PDE10A: variants seen among roughly 807,000 people sequenced by gnomAD.
PDE10A encodes phosphodiesterase 10A, also known as cAMP and cAMP-inhibited cGMP 3',5'-cyclic phosphodiesterase 10A.
PDE10A carries 39 observed loss-of-function variants against 97.7 expected under a neutral mutation model. The ratio of observed to expected loss-of-function variants is 0.40; its 90% CI spans 0.31 to 0.52. PDE10A has a LOEUF of 0.52. PDE10A is among the 20% of genes least tolerant of loss of function. PDE10A has a pLI of 0.56. For missense variants in PDE10A, 731 were observed against 1,047.8 expected (o/e 0.70, Z 4.17); for synonymous variants, 371 against 376.8 (o/e 0.98, Z 0.18).
At chr6:165,796,277 G>A (rs1778830200) in intron 1 of PDE10A, among the ~76,000 whole-genome samples, 1 of 151,782 alleles carries the variant, frequency 6.6e-6, no homozygotes, top group Admixed American at 6.6e-5. Flanking sequence ...TTGTAGAGAT[G>A]GGGTTTCACC....
At chr6:165,920,593 A>G (rs1782727840) in intron 1 of PDE10A, among the ~76,000 whole-genome samples, 2 of 151,954 alleles carry the variant, frequency 1.3e-5, no homozygotes, top group South Asian at 4.2e-4. Flanking sequence ...CTTACTATAC[A>G]TTTCAGGACA....
At chr6:165,562,234 A>G (rs1583545380) in intron 1 of PDE10A, among the ~76,000 whole-genome samples, 1 of 152,154 alleles carries the variant, frequency 6.6e-6, no homozygotes, top group Non-Finnish European at 1.5e-5. Flanking sequence ...AAAGATATAA[A>G]CCAAATTTAT....
At chr6:165,651,650 ATCTTT>A (rs57719409) in intron 1 of PDE10A, among the ~76,000 whole-genome samples, 80 of 152,290 alleles carry the variant, frequency 5.3e-4, no homozygotes, top group African/African-American at 1.7e-3. Flanking sequence ...TAACTTATCA[ATCTTT>A]TCTTTACTTC....
At chr6:165,958,551 AAGAAAGAAAGAAAGACAGAC>A (rs1176628082) in intron 1 of PDE10A, among the ~76,000 whole-genome samples, 1,040 of 71,638 alleles carry the variant, frequency 0.015, 46 homozygotes, top group South Asian at 0.03. Context: ...GAAAGAAAGA[AAGAAAGAAAGAAAGACAGAC>A]AGAAAGAAAG....
At chr6:165,867,822 A>G (rs1256360158) in intron 1 of PDE10A, among the ~76,000 whole-genome samples, 2 of 152,100 alleles carry the variant, frequency 1.3e-5, no homozygotes, top group Admixed American at 6.6e-5. Flanking sequence ...AATAATATTA[A>G]GTATCTTCTC....
chr6:165,513,356 TTTA>T (rs1781613120), intron 2 of PDE10A, among the ~76,000 whole-genome samples: 1 of 152,132 alleles, frequency 6.6e-6, no homozygotes, highest in South Asian at 2.1e-4. Context: ...CGTGTACAGA[TTTA>T]TTTCTGGACT....
At position 165,655,736 on chromosome 6, in the gene PDE10A, C is replaced by T. The variant is rs572539391; in HGVS notation, c.865+6211G>A. On this transcript the variant is annotated intron_variant, in intron 1 of 21. Coordinates refer to ENST00000539869, the MANE Select transcript of PDE10A (RefSeq NM_001385079.1). The surrounding 1 kb of genome is among the most constrained non-coding windows in gnomAD (Gnocchi z 4.5). ...CCATGGATCACCCACTGCTCAAAACCTCCCCAAAGCCTCTGCTTTCATGCG... is the reference window on the plus strand; with the variant it reads ...CCATGGATCACCCACTGCTCAAAACTTCCCCAAAGCCTCTGCTTTCATGCG... 1.4e-4 allele frequency among the ~76,000 whole-genome samples: 22 copies of T among 152,256 alleles called. No homozygotes were observed. The highest frequency in any genetic ancestry group is 3.1e-4 in the Non-Finnish European group (21 of 68,028).
chr6:165,393,544 A>C (rs538352143), intron 15 of PDE10A, among the ~76,000 whole-genome samples: 1 of 152,216 alleles, frequency 6.6e-6, no homozygotes, highest in African/African-American at 2.4e-5. Flanking sequence ...AAAAAAAAGT[A>C]ACCTGTGTTT....
rs1236775257 is a variant in PDE10A, at chr6:165,437,042, C to T, written c.1195-1665G>A. On this transcript the variant is annotated intron_variant, in intron 5 of 21. Transcript: ENST00000539869. ...AACTGTCCCTTTTCTGTACCAAAGA[C>T]GGAACTGCAGGAAGTGAACATAAAT... Among the ~76,000 whole-genome samples, 4 of 151,992 alleles carry T rather than the reference C, an allele frequency of 2.6e-5. No individual in the cohort carries two copies. In the East Asian group the frequency reaches 5.8e-4, roughly 22 times the overall value.
intron 1 of PDE10A, among the ~76,000 whole-genome samples, chr6:165,863,046 G>A (rs1243506014): frequency 6.6e-6 from 1 of 152,172 alleles, no homozygotes; most frequent in African/African-American, 2.4e-5. Context: ...AATCTCTACA[G>A]TGCCTTTTAG....
chr6:165,901,697 G>T (rs1298786445), intron 1 of PDE10A, among the ~76,000 whole-genome samples: 2 of 152,186 alleles, frequency 1.3e-5, no homozygotes, highest in African/African-American at 4.8e-5. Context: ...AGCTACTCGG[G>T]AGGCTGAGGC....
At chr6:165,371,192 A>C (rs1286784637) in intron 18 of PDE10A, among the ~76,000 whole-genome samples, 2 of 151,834 alleles carry the variant, frequency 1.3e-5, no homozygotes, top group Admixed American at 1.3e-4. Context: ...GAGCAAACAC[A>C]TTCAAAAGCT....
rs549783930 is a variant in PDE10A, at chr6:165,778,803, T to C, written c.-615+208726A>G. On this transcript the variant is annotated intron_variant, in intron 1 of 19. Coordinates refer to the PDE10A transcript ENST00000366882. ...TTCCACTGACCACTGGAGTTTTTTC[T>C]TCTATGAAATTCTTGCTTGTATTTG... Among the ~76,000 whole-genome samples, 8 of 152,358 alleles carry C rather than the reference T, an allele frequency of 5.3e-5. No individual in the cohort carries two copies. In the East Asian group the frequency reaches 1.3e-3, roughly 26 times the overall value.
upstream of PDE10A, among the ~76,000 whole-genome samples, chr6:165,666,657 C>A (rs1208902386): frequency 6.6e-6 from 1 of 152,050 alleles, no homozygotes; most frequent in Non-Finnish European, 1.5e-5. Context: ...GGCCCCCCAC[C>A]CCCGCAGTCC....
intron 2 of PDE10A, among the ~76,000 whole-genome samples, chr6:165,504,302 T>C (rs1198899020): frequency 1.3e-5 from 2 of 152,138 alleles, no homozygotes; most frequent in Admixed American, 6.5e-5. Flanking sequence ...ATTAAAACTA[T>C]AAAAAATACT....
chr6:165,894,242 G>A (rs1048296083), intron 1 of PDE10A: 1 of 454,778 alleles, frequency 2.2e-6, no homozygotes, highest in Non-Finnish European at 4.4e-6. Context: ...TCTGTCCTGT[G>A]ACATGGTGGC....
chr6:165,632,694 C>T (rs1019196984), intron 1 of PDE10A, among the ~76,000 whole-genome samples: 1 of 152,184 alleles, frequency 6.6e-6, no homozygotes, highest in African/African-American at 2.4e-5. Context: ...AATGATACAA[C>T]CATGAGGGGT....
chr6:165,971,740 G>A lies in PDE10A; in HGVS notation c.-615+15789C>T, dbSNP rs553097711. Among the ~76,000 whole-genome samples, 19 of 152,290 alleles carry A rather than the reference G, an allele frequency of 1.2e-4. No individual in the cohort carries two copies. In the South Asian group the frequency reaches 3.7e-3, roughly 30 times the overall value. The stretch of plus-strand genomic sequence containing the variant: ...ATCTTCAGGCCTGGGATTGGAAGCG[G>A]TACTGCAAACCACAACCATTCCAGA... On this transcript the variant is annotated intron_variant, in intron 1 of 19. Transcript: ENST00000366882.
intron 5 of PDE10A, among the ~76,000 whole-genome samples, chr6:165,438,516 C>A (rs181515421): frequency 6.6e-6 from 1 of 152,150 alleles, no homozygotes; most frequent in Non-Finnish European, 1.5e-5. Context: ...GGTCTGTTTC[C>A]GAATTCCCAA....
Sources: gnomAD v4.1 joint callset for allele counts (sites outside exome capture counted in the v4.1 genomes callset) on GRCh38, gnomAD v4.1.1 for gene constraint, Gnocchi (gnomAD v3.1) non-coding constraint, MANE v1.5 for transcripts, NCBI Gene and HGNC (gene_info 2026-07-23, HGNC 2026-07-21) for gene names.